The following IKBKB variants were observed in gnomAD, a reference collection of about 807,000 sequenced individuals.
IKBKB encodes the protein inhibitor of nuclear factor kappa B kinase subunit beta, also known as inhibitor of nuclear factor kappa-B kinase subunit beta.
In IKBKB, 42 loss-of-function variants were observed where a neutral mutation model predicts 113.6. The ratio of observed to expected loss-of-function variants is 0.37; its 90% CI spans 0.29 to 0.48. The LOEUF (loss-of-function observed/expected upper bound fraction) is 0.48, where lower values mean the gene tolerates loss of function less well. Among genes scored for constraint, IKBKB ranks in the 20% least tolerant of loss-of-function variants. The probability of loss-of-function intolerance (pLI) is 0.99; values close to 1 mark genes in which losing one functional copy is unlikely to be tolerated. For synonymous variants in IKBKB, 296 were observed against 361.3 expected, an observed-to-expected ratio of 0.82 and a Z score of 2.05; for missense variants, 673 against 939.7, an observed-to-expected ratio of 0.72 and a Z score of 3.71.
Position 42,271,391 on chromosome 8 carries a change from T to C in IKBKB, c.-97T>C. On this transcript the variant is annotated 5_prime_UTR_variant, in exon 1 of 22. Transcript: ENST00000520810. ...TTTTAATGTTTTCAGGGGGGTGTCA[T>C]AGCCCCGGGTTTGGCCGCCCCAGCC... 6 of 1,512,648 alleles carry C rather than the reference T, an allele frequency of 4.0e-6. No individual in the cohort carries two copies. The highest frequency in any genetic ancestry group is 5.3e-6 in the Non-Finnish European group (6 of 1,127,960). 93.7% of individuals were successfully genotyped at this position (1,512,648 alleles called of 1,614,324 possible).
At chr8:42,274,062 G>A (rs1289135660) in intron 2 of IKBKB, among the ~76,000 whole-genome samples, 4 of 151,456 alleles carry the variant, frequency 2.6e-5, no homozygotes, top group East Asian at 3.9e-4. Context: ...ACAGAGTCTC[G>A]CACTGTTGCC....
chr8:42,314,152 T>C (rs1818232856), intron 8 of IKBKB, 170 bp from the exon 9 acceptor site: 3 of 626,022 alleles, frequency 4.8e-6, no homozygotes, highest in Non-Finnish European at 8.7e-6. Context: ...TACAGGTTTG[T>C]AGCCTAGGAG....
intron 5 of IKBKB, among the ~76,000 whole-genome samples, chr8:42,303,970 T>A (rs1815969332): frequency 3.3e-5 from 5 of 152,266 alleles, no homozygotes; most frequent in Admixed American, 2.6e-4. Context: ...AACCTTTTAA[T>A]GTTATTTGCA....
intron 8 of IKBKB, among the ~76,000 whole-genome samples, chr8:42,310,940 C>G (rs373434941): frequency 3.9e-5 from 6 of 152,148 alleles, no homozygotes; most frequent in Admixed American, 1.3e-4. Context: ...GTTGGAAGGA[C>G]GTTGATAATT....
intron 12 of IKBKB, among the ~76,000 whole-genome samples, chr8:42,318,287 AAAATAT>A (rs1819074919): frequency 6.6e-6 from 1 of 152,018 alleles, no homozygotes; most frequent in Non-Finnish European, 1.5e-5. Context: ...AATTCTGTTG[AAAATAT>A]ATGGCCCTAT....
intron 19 of IKBKB, 92 bp from the exon 20 acceptor site, chr8:42,325,878 C>A: frequency 6.4e-7 from 1 of 1,564,092 alleles, no homozygotes; most frequent in South Asian, 1.2e-5. Context: ...CCTCTGGCAG[C>A]CAGCCAGTTG....
intron 7 of IKBKB, among the ~76,000 whole-genome samples, chr8:42,308,300 C>CT (rs1816954189): frequency 1.6e-5 from 2 of 121,296 alleles, no homozygotes; most frequent in Admixed American, 8.2e-5. Context: ...TTCTTTCTTT[C>CT]TTTCTTTTTT....
chr8:42,318,847 C>G (rs1819216091), intron 13 of IKBKB, 172 bp downstream of exon 13: 1 of 622,104 alleles, frequency 1.6e-6, no homozygotes, highest in Non-Finnish European at 2.7e-6. Flanking sequence ...TGACGGAGGC[C>G]CCTTTAGACC....
chr8:42,316,559 G>A lies in IKBKB; in HGVS notation c.931-151G>A, dbSNP rs12676482. 60,595 of 873,876 alleles carry A rather than the reference G, an allele frequency of 0.069. 4,559 individuals carry two copies. The highest frequency in any genetic ancestry group is 0.28 in the African/African-American group (16,269 of 59,014). The allele number at this position is 873,876 out of a possible 1,614,324, so 54.1% of individuals were successfully genotyped here. The stretch of plus-strand genomic sequence containing the variant: ...AGGATTATGAAAGATGCAAATATGC[G>A]AAACATGGCACATGACCTCCCTCCC... On this transcript the variant is annotated intron_variant, in intron 10 of 21. Transcript: ENST00000520810. The surrounding 1 kb of genome is among the most constrained non-coding windows in gnomAD (Gnocchi z 4.5).
rs550603634 is a variant in IKBKB, at chr8:42,317,972, A to G, written c.1240+201A>G. Among the ~76,000 whole-genome samples, 102 of 152,104 alleles carry G rather than the reference A, an allele frequency of 6.7e-4. No homozygotes were observed. In the South Asian group the frequency reaches 0.011, roughly 16 times the overall value. Reference sequence around the variant, plus strand: ...TACAGGAAACCATTAGTTAATTTCAACCTCCTAGGACGGGCGTGGTGGCTC... The same window carrying G: ...TACAGGAAACCATTAGTTAATTTCAGCCTCCTAGGACGGGCGTGGTGGCTC... On this transcript the variant is annotated intron_variant, in intron 12 of 21. Coordinates refer to ENST00000520810, the MANE Select transcript of IKBKB (RefSeq NM_001556.3).
At chr8:42,277,337 C>T (rs1280827661) in intron 2 of IKBKB, among the ~76,000 whole-genome samples, 2 of 151,942 alleles carry the variant, frequency 1.3e-5, no homozygotes, top group African/African-American at 2.4e-5. Flanking sequence ...CACCTGCCAC[C>T]ATGCCTGGCT....
chr8:42,286,645 T>C (rs1811476757), intron 2 of IKBKB, among the ~76,000 whole-genome samples: 1 of 152,202 alleles, frequency 6.6e-6, no homozygotes, highest in South Asian at 2.1e-4. Context: ...TATGCATTTT[T>C]TTGTAGAGAT....
chr8:42,308,645 G>A (rs1186165953), intron 7 of IKBKB, among the ~76,000 whole-genome samples: 2 of 152,186 alleles, frequency 1.3e-5, no homozygotes, highest in African/African-American at 2.4e-5. Flanking sequence ...AGCGATGGGT[G>A]TGTGATGTAC....
chr8:42,316,455 C>T lies in IKBKB; in HGVS notation c.930+116C>T, dbSNP rs1585760295. 8.0e-7 allele frequency: 1 copy of T among 1,245,500 alleles called. No individual in the cohort carries two copies. 77.2% of individuals were successfully genotyped at this position (1,245,500 alleles called of 1,614,324 possible). On this transcript the variant is annotated intron_variant, in intron 10 of 21. Coordinates refer to ENST00000520810, the MANE Select transcript of IKBKB (RefSeq NM_001556.3). The surrounding 1 kb of genome is among the most constrained non-coding windows in gnomAD (Gnocchi z 4.5). ...CTGACCTAGTGAGGAAATTTAGGCT[C>T]CTGCATCAGTCTTTCTGCATAAGTA...
intron 2 of IKBKB, among the ~76,000 whole-genome samples, chr8:42,277,180 ATTTT>A (rs751878075): frequency 1.2e-5 from 1 of 84,894 alleles, no homozygotes. Flanking sequence ...CGTGTGGCTA[ATTTT>A]TTTTTTTTTT....
At chr8:42,308,700 G>C (rs1817060070) in intron 7 of IKBKB, among the ~76,000 whole-genome samples, 1 of 152,206 alleles carries the variant, frequency 6.6e-6, no homozygotes, top group Non-Finnish European at 1.5e-5. Flanking sequence ...CTACTGGAGT[G>C]AGTGGGACAT....
intron 8 of IKBKB, among the ~76,000 whole-genome samples, chr8:42,310,531 T>C: frequency 6.6e-6 from 1 of 152,264 alleles, no homozygotes; most frequent in Non-Finnish European, 1.5e-5. Context: ...GCTTTCAAGC[T>C]TTTCACACCA....
intron 4 of IKBKB, among the ~76,000 whole-genome samples, chr8:42,291,213 G>C (rs1048363052): frequency 6.6e-6 from 1 of 152,048 alleles, no homozygotes; most frequent in African/African-American, 2.4e-5. Flanking sequence ...CAAGAGTCTC[G>C]CTGTATTGCC....
chr8:42,330,062 A>T (rs1821488104), intron 21 of IKBKB: 1 of 985,356 alleles, frequency 1.0e-6, no homozygotes, highest in Non-Finnish European at 1.2e-6. Context: ...TTCATTGCTT[A>T]CTTGCATGTC....
Sources: allele counts gnomAD v4.1 joint callset (sites outside exome capture counted in the v4.1 genomes callset), GRCh38; gene constraint gnomAD v4.1.1; non-coding constraint Gnocchi (gnomAD v3.1); transcripts MANE v1.5; gene names NCBI Gene and HGNC (gene_info 2026-07-23, HGNC 2026-07-21).